SEC23IP: variants seen among roughly 807,000 people sequenced by gnomAD.
SEC23IP encodes the protein SEC23 interacting protein.
Under a neutral mutation model 113.4 loss-of-function variants are expected in SEC23IP, and 70 were observed. That is an observed-to-expected ratio of 0.62 (90% confidence interval 0.51 to 0.75). The LOEUF is 0.75. Among genes scored for constraint, SEC23IP ranks in the 30% least tolerant of loss-of-function variants. The pLI, the probability that SEC23IP is intolerant of heterozygous loss-of-function variation, is 0.00. For missense variants in SEC23IP, 1,160 were observed against 1,204.9 expected (o/e 0.96, Z 0.55); for synonymous variants, 398 against 421.0 (o/e 0.95, Z 0.67).
At chr10:119,934,877 C>T (rs944578201) in intron 18 of SEC23IP, among the ~76,000 whole-genome samples, 2 of 152,194 alleles carry the variant, frequency 1.3e-5, no homozygotes, top group African/African-American at 4.8e-5. Context: ...TGTCTCACAC[C>T]TCTAATCTCA....
intron 1 of SEC23IP, among the ~76,000 whole-genome samples, chr10:119,894,599 G>A (rs578028976): frequency 6.6e-6 from 1 of 152,334 alleles, no homozygotes; most frequent in African/African-American, 2.4e-5. Flanking sequence ...AAGGATGGGA[G>A]TCAAAATGAT....
chr10:119,937,745 A>G (rs1345743889), intron 18 of SEC23IP, among the ~76,000 whole-genome samples: 1 of 152,092 alleles, frequency 6.6e-6, no homozygotes, highest in Non-Finnish European at 1.5e-5. Context: ...TGTAATTTAG[A>G]AGAGTAAGGT....
chr10:119,922,590 A>G (rs1282450177), intron 12 of SEC23IP, among the ~76,000 whole-genome samples: 1 of 152,190 alleles, frequency 6.6e-6, no homozygotes. Flanking sequence ...GGCGGCTGCA[A>G]TCTTACATAG....
intron 18 of SEC23IP, among the ~76,000 whole-genome samples, chr10:119,937,681 TTTTAGATA>T (rs1654267383): frequency 6.6e-6 from 1 of 152,122 alleles, no homozygotes; most frequent in Admixed American, 6.5e-5. Flanking sequence ...ATTAATTATT[TTTTAGATA>T]TTTACATTTA....
intron 12 of SEC23IP, among the ~76,000 whole-genome samples, chr10:119,921,260 C>T (rs538748712): frequency 8.5e-5 from 13 of 152,266 alleles, no homozygotes; most frequent in Non-Finnish European, 1.6e-4. Flanking sequence ...CTGGTGCAAA[C>T]AGTGGTTAAG....
At chr10:119,929,830 A>G in intron 14 of SEC23IP, 68 bp downstream of exon 14, 4 of 1,128,844 alleles carry the variant, frequency 3.5e-6, no homozygotes, top group Non-Finnish European at 5.1e-6. Context: ...TTACTTTTTT[A>G]TAGAGATGGG....
intron 10 of SEC23IP, among the ~76,000 whole-genome samples, chr10:119,918,995 ATT>A (rs61207350): frequency 0.056 from 8,005 of 143,766 alleles, 397 homozygotes; most frequent in South Asian, 0.27. Context: ...AGAATATTCA[ATT>A]TTTTTTTTTT....
intron 2 of SEC23IP, among the ~76,000 whole-genome samples, chr10:119,900,998 T>C (rs937117108): frequency 8.7e-5 from 13 of 148,998 alleles, no homozygotes; most frequent in African/African-American, 3.2e-4. Flanking sequence ...TTCTAAAACA[T>C]TAAAATTTTT....
rs2134551496 is a variant in SEC23IP at position 119,942,126 on chromosome 10, C to A, written c.*1561C>A. On this transcript the variant is annotated 3_prime_UTR_variant, in exon 19 of 19. Transcript: ENST00000369075. ...TTATTTATATACATTTCAATAAAAT[C>A]CAATTTGATTTTTCAACTTACATCT... 1 of 152,082 alleles carries A rather than the reference C, an allele frequency of 6.6e-6. No individual in the cohort carries two copies. The highest frequency in any genetic ancestry group is 1.9e-4 in the East Asian group (1 of 5,178). The allele number at this position is 152,082 out of a possible 1,614,324, so 9.4% of individuals were successfully genotyped here.
In SEC23IP at chr10:119,898,474, T is replaced by G. The variant is rs1261381929; in HGVS notation, c.211T>G (p.Ser71Ala). ...GEEDSFLGQTSIHTSAPQTFS... is the reference protein window; with the variant it reads ...GEEDSFLGQTAIHTSAPQTFS... ...GGAGGACAGCTTCCTTGGTCAGACTTCTATTCACACATCTGCCCCACAGAC... is the reference window on the plus strand; with the variant it reads ...GGAGGACAGCTTCCTTGGTCAGACTGCTATTCACACATCTGCCCCACAGAC... The change falls in exon 2 of 19, where the codon TCT (serine) becomes GCT (alanine). Residue 71 changes from serine (S) to alanine (A), a missense_variant. Transcript: ENST00000369075. 6.2e-7 allele frequency: 1 copy of G among 1,614,024 alleles called. No individual in the cohort carries two copies. The highest frequency in any genetic ancestry group is 1.7e-5 in the Admixed American group (1 of 59,992).
chr10:119,924,744 A>G (rs1855367165), intron 12 of SEC23IP, among the ~76,000 whole-genome samples: 2 of 151,116 alleles, frequency 1.3e-5, no homozygotes, highest in African/African-American at 4.9e-5. Context: ...ATGCCCCAAA[A>G]CTTTTGTTTA....
chr10:119,917,032 C>G (rs1412136838), intron 8 of SEC23IP, among the ~76,000 whole-genome samples: 1 of 152,010 alleles, frequency 6.6e-6, no homozygotes, highest in African/African-American at 2.4e-5. Context: ...CCATGCCTGG[C>G]TAATTTTTAA....
At chr10:119,920,102 A>G (rs1180320514) in intron 11 of SEC23IP, among the ~76,000 whole-genome samples, 1 of 152,230 alleles carries the variant, frequency 6.6e-6, no homozygotes, top group East Asian at 1.9e-4. Flanking sequence ...GTTTGAAAAT[A>G]TGCTATGTGG....
chr10:119,912,228 A>G, intron 6 of SEC23IP, 64 bp downstream of exon 6: 1 of 1,527,016 alleles, frequency 6.5e-7, no homozygotes, highest in South Asian at 1.2e-5. Flanking sequence ...ATCATTCTTT[A>G]GAATGATGAA....
At position 119,920,927 on chromosome 10, in the gene SEC23IP, A is replaced by G; in HGVS notation, c.2064A>G (p.Ile688Met). 1 of 1,613,800 alleles carries G rather than the reference A, an allele frequency of 6.2e-7. No individual in the cohort carries two copies. Among genetic ancestry groups the G allele is most frequent in the Non-Finnish European group, 8.5e-7 (1 of 1,179,770 alleles). ...TTGATGACCTGAAGGAAATGGGGAT[A>G]CCCCTTGGACCCAGAAAGAAGATAG... is the stretch of plus-strand genomic sequence containing the variant. ...CTVDDLKEMG[I>M]PLGPRKKIAN... Residue 688 changes from isoleucine (I) to methionine (M), a missense_variant, in exon 12 of 19, where the codon ATA becomes ATG. Coordinates refer to ENST00000369075, the MANE Select transcript of SEC23IP (RefSeq NM_007190.4).
chr10:119,938,798 A>G (rs1472673641), intron 18 of SEC23IP, among the ~76,000 whole-genome samples: 1 of 152,208 alleles, frequency 6.6e-6, no homozygotes, highest in Non-Finnish European at 1.5e-5. Flanking sequence ...TTCACATATG[A>G]TTCGTTCACT....
chr10:119,929,205 A>G (rs1219685615), intron 13 of SEC23IP, among the ~76,000 whole-genome samples: 1 of 152,176 alleles, frequency 6.6e-6, no homozygotes, highest in African/African-American at 2.4e-5. Context: ...ATAATAGTCT[A>G]TAAAGATTTT....
intron 18 of SEC23IP, among the ~76,000 whole-genome samples, chr10:119,937,714 CT>C (rs1855843484): frequency 2.7e-5 from 4 of 150,568 alleles, no homozygotes; most frequent in East Asian, 1.9e-4. Context: ...CTTTTTAGTT[CT>C]TTTTTTCCCC....
chr10:119,914,598 T>G, intron 6 of SEC23IP, 132 bp from the exon 7 acceptor site: 2 of 727,524 alleles, frequency 2.7e-6, no homozygotes, highest in East Asian at 2.5e-5. Flanking sequence ...GTAATGAGGC[T>G]TATTCTCTTT....
Sources: allele counts gnomAD v4.1 joint callset (sites outside exome capture counted in the v4.1 genomes callset), GRCh38; gene constraint gnomAD v4.1.1; transcripts MANE v1.5; gene names NCBI Gene and HGNC (gene_info 2026-07-23, HGNC 2026-07-21).